Variants in ENTPD1 observed in about 807,000 individuals in gnomAD.
The protein encoded by ENTPD1 is ATP diphosphohydrolase.
Under a neutral mutation model 57.0 loss-of-function variants are expected in ENTPD1, and 33 were observed. That is an observed-to-expected ratio of 0.58 (90% CI 0.44 to 0.77). The LOEUF (loss-of-function observed/expected upper bound fraction) is 0.77. Among genes scored for constraint, ENTPD1 ranks in the 30% least tolerant of loss-of-function variants. The pLI is 0.00. For synonymous variants in ENTPD1, 202 were observed against 218.8 expected (o/e 0.92, Z 0.68); for missense variants, 501 against 603.4 (o/e 0.83, Z 1.78).
intron 1 of ENTPD1, among the ~76,000 whole-genome samples, chr10:95,796,203 G>A (rs2098225199): frequency 6.6e-6 from 1 of 152,154 alleles, no homozygotes; most frequent in Non-Finnish European, 1.5e-5. Context: ...CCTTTGCTGG[G>A]CTCTGGAGAG....
In ENTPD1 at chr10:95,866,363, T is replaced by G. The variant is rs2098474521; in HGVS notation, c.1513T>G (p.Phe505Val). 6.2e-7 allele frequency: 1 copy of G among 1,614,040 alleles called. No homozygotes were observed. The highest frequency in any genetic ancestry group is 1.3e-5 in the African/African-American group (1 of 74,934). ...GCTTATCTTTCACAAGCCTTCATATTTCTGGAAAGATATGGTATAGCAAAA... is the reference window on the plus strand; with the variant it reads ...GCTTATCTTTCACAAGCCTTCATATGTCTGGAAAGATATGGTATAGCAAAA... ...GLLIFHKPSY[F>V]WKDMV is the part of the protein sequence containing the mutation. Residue 505 changes from phenylalanine (F) to valine (V), a missense_variant, in exon 10 of 10, where the codon TTC (phenylalanine) becomes GTC (valine). Phe to Val is a conservative substitution (Grantham distance 50). Transcript: ENST00000371205.
intron 1 of ENTPD1, among the ~76,000 whole-genome samples, chr10:95,797,281 A>G (rs1412155640): frequency 1.3e-5 from 2 of 152,100 alleles, no homozygotes; most frequent in Non-Finnish European, 2.9e-5. Flanking sequence ...GAGTTTGGCC[A>G]TAGAACATCC....
Position 95,852,037 on chromosome 10 carries a change from G to C in ENTPD1, c.1074+4331G>C, listed in dbSNP as rs1590158178. On this transcript the variant is annotated intron_variant, in intron 7 of 9. Coordinates refer to ENST00000371205, the MANE Select transcript of ENTPD1 (RefSeq NM_001776.6). ...TCCATAATGGTTGAACTAGTTTACA[G>C]TCCCACCAACAGTGTAAAAGTGTTC... Among the ~76,000 whole-genome samples the C allele has an allele frequency of 7.9e-5, 12 of 152,256 alleles. 3 individuals carry two copies. The highest frequency in any genetic ancestry group is 7.9e-4 in the Admixed American group (12 of 15,282).
At chr10:95,732,353 C>T (rs2097990179) in intron 1 of ENTPD1, among the ~76,000 whole-genome samples, 1 of 152,184 alleles carries the variant, frequency 6.6e-6, no homozygotes, top group African/African-American at 2.4e-5. Flanking sequence ...TGATGACACA[C>T]TAACCATGTA....
chr10:95,717,314 A>G (rs1233265514), intron 1 of ENTPD1, among the ~76,000 whole-genome samples: 6 of 142,446 alleles, frequency 4.2e-5, no homozygotes, highest in Non-Finnish European at 7.6e-5. Flanking sequence ...CACATTGTTC[A>G]TTGAGGTTCT....
intron 1 of ENTPD1, among the ~76,000 whole-genome samples, chr10:95,770,062 T>G (rs1369553009): frequency 6.6e-6 from 1 of 151,842 alleles, no homozygotes; most frequent in African/African-American, 2.4e-5. Context: ...GATACAAATT[T>G]AGGTCATCAG....
At chr10:95,759,169 TG>T (rs1316517398) in intron 1 of ENTPD1, among the ~76,000 whole-genome samples, 2 of 152,228 alleles carry the variant, frequency 1.3e-5, no homozygotes, top group Admixed American at 6.5e-5. Context: ...TCAAGAGGCT[TG>T]TTTAAAAGGG....
upstream of ENTPD1, among the ~76,000 whole-genome samples, chr10:95,706,951 G>A (rs1156317323): frequency 4.6e-5 from 7 of 152,242 alleles, no homozygotes; most frequent in Admixed American, 4.6e-4. Flanking sequence ...GGAGAGAAGA[G>A]AGGTCAGGCA....
intron 1 of ENTPD1, among the ~76,000 whole-genome samples, chr10:95,772,676 A>G (rs1640987981): frequency 6.6e-6 from 1 of 152,126 alleles, no homozygotes; most frequent in African/African-American, 2.4e-5. Context: ...GTTGGAGTCA[A>G]CTTCTTCCAA....
At chr10:95,794,783 T>A (rs2098219439) in intron 1 of ENTPD1, among the ~76,000 whole-genome samples, 1 of 151,928 alleles carries the variant, frequency 6.6e-6, no homozygotes, top group East Asian at 1.9e-4. Context: ...AAATAGGAAA[T>A]AGCTAAGCAA....
chr10:95,724,377 G>A (rs529769284), intron 1 of ENTPD1, among the ~76,000 whole-genome samples: 15 of 152,184 alleles, frequency 9.9e-5, no homozygotes, highest in Admixed American at 1.3e-4. Flanking sequence ...ACCGGGGCGG[G>A]GTGGTCCTTG....
chr10:95,847,816 G>C (rs944758982), intron 7 of ENTPD1, 110 bp downstream of exon 7: 27 of 1,506,856 alleles, frequency 1.8e-5, no homozygotes, highest in Non-Finnish European at 2.5e-5. Flanking sequence ...ATAATGTCTT[G>C]AGGTAGATGA....
At chr10:95,702,846 G>A in the ENTPD1 span, among the ~76,000 whole-genome samples, 1 of 152,054 alleles carries the variant, frequency 6.6e-6, no homozygotes, top group Non-Finnish European at 1.5e-5. Flanking sequence ...GCAATGGTGC[G>A]ATCTCGGTTC....
chr10:95,714,305 C>A (rs74572907), intron 1 of ENTPD1, among the ~76,000 whole-genome samples: 660 of 151,932 alleles, frequency 4.3e-3, no homozygotes, highest in Non-Finnish European at 8.0e-3. Flanking sequence ...TAGAATGAGA[C>A]CCTGTCTCGA....
At chr10:95,781,649 A>G (rs1461506845) in intron 1 of ENTPD1, among the ~76,000 whole-genome samples, 1 of 152,202 alleles carries the variant, frequency 6.6e-6, no homozygotes. Context: ...TAATTTGGTC[A>G]ACAGTTTATG....
chr10:95,776,658 TC>T (rs1442459732), intron 1 of ENTPD1, among the ~76,000 whole-genome samples: 4 of 152,210 alleles, frequency 2.6e-5, no homozygotes, highest in African/African-American at 9.7e-5. Flanking sequence ...TCTCTGTGTT[TC>T]CGGAATTTGA....
rs1038325061 is a variant in ENTPD1 at position 95,872,986 on chromosome 10, T to G, written c.*6603T>G. ...AGAATTTTAAGGATTAGAATGAACCTTAAAAGATCATGCATCTCAAAATTT... is the reference window on the plus strand; with the variant it reads ...AGAATTTTAAGGATTAGAATGAACCGTAAAAGATCATGCATCTCAAAATTT... On this transcript the variant is annotated 3_prime_UTR_variant, in exon 10 of 10. Coordinates refer to ENST00000371205, the MANE Select transcript of ENTPD1 (RefSeq NM_001776.6). 2 of 985,204 alleles carry G rather than the reference T, an allele frequency of 2.0e-6. No homozygotes were observed. Among genetic ancestry groups the G allele is most frequent in the African/African-American group, 3.5e-5 (2 of 57,230 alleles). 61.0% of individuals were successfully genotyped at this position (985,204 alleles called of 1,614,324 possible).
intron 1 of ENTPD1, among the ~76,000 whole-genome samples, chr10:95,815,069 G>A (rs1476030353): frequency 6.6e-6 from 1 of 152,134 alleles, no homozygotes; most frequent in East Asian, 1.9e-4. Flanking sequence ...ATATAGGCAG[G>A]AAAAAACCCG....
intron 2 of ENTPD1, among the ~76,000 whole-genome samples, chr10:95,838,709 A>G (rs527632888): frequency 6.6e-5 from 10 of 152,228 alleles, no homozygotes; most frequent in Non-Finnish European, 1.5e-4. Context: ...TGGTGGTTAT[A>G]TGGATGTGCA....
Sources: allele counts gnomAD v4.1 joint callset (sites outside exome capture counted in the v4.1 genomes callset), GRCh38; gene constraint gnomAD v4.1.1; transcripts MANE v1.5; gene names NCBI Gene and HGNC (gene_info 2026-07-23, HGNC 2026-07-21).